The following ITGAV variants were observed in gnomAD, a reference collection of about 807,000 sequenced individuals.
ITGAV encodes the protein integrin alpha-V.
Under a neutral mutation model 143.8 loss-of-function variants are expected in ITGAV, and 76 were observed. The ratio of observed to expected loss-of-function variants is 0.53; its 90% CI spans 0.44 to 0.64. The LOEUF is 0.64. Among genes scored for constraint, ITGAV ranks in the 30% least tolerant of loss-of-function variants. The pLI is 0.00. For synonymous variants in ITGAV, 453 were observed against 446.7 expected, an observed-to-expected ratio of 1.01 and a Z score of -0.18; for missense variants, 1,193 against 1,274.7, an observed-to-expected ratio of 0.94 and a Z score of 0.98.
At chr2:186,677,112 C>T (rs1689235254) in intron 29 of ITGAV, 85 bp from the exon 30 acceptor site, 5 of 1,290,370 alleles carry the variant, frequency 3.9e-6, no homozygotes, top group Non-Finnish European at 5.5e-6. Context: ...TTTAAATGTT[C>T]TTAGTGGTAA....
intron 2 of ITGAV, among the ~76,000 whole-genome samples, chr2:186,606,400 C>A (rs899506855): frequency 6.6e-6 from 1 of 152,200 alleles, no homozygotes; most frequent in African/African-American, 2.4e-5. Flanking sequence ...GTATTCTCAT[C>A]AACCTGCTCC....
intron 12 of ITGAV, among the ~76,000 whole-genome samples, chr2:186,644,589 G>A (rs929542683): frequency 6.6e-6 from 1 of 152,178 alleles, no homozygotes; most frequent in Non-Finnish European, 1.5e-5. Flanking sequence ...CTCTGAAAGT[G>A]CTGGGAATAC....
At chr2:186,650,436 G>A (rs1688392687) in intron 14 of ITGAV, among the ~76,000 whole-genome samples, 1 of 152,148 alleles carries the variant, frequency 6.6e-6, no homozygotes, top group Middle Eastern at 3.4e-3. Flanking sequence ...CTGGCCTGAA[G>A]TGATACACCC....
chr2:186,671,843 CA>C (rs1689070184), intron 26 of ITGAV, among the ~76,000 whole-genome samples: 1 of 151,446 alleles, frequency 6.6e-6, no homozygotes, highest in Non-Finnish European at 1.5e-5. Flanking sequence ...CTATTCTGGA[CA>C]TTTCATACAT....
At chr2:186,653,388 G>C (rs1688497066) in intron 15 of ITGAV, among the ~76,000 whole-genome samples, 1 of 152,056 alleles carries the variant, frequency 6.6e-6, no homozygotes, top group Non-Finnish European at 1.5e-5. Context: ...CCCACTTTGG[G>C]AAACACTATT....
intron 1 of ITGAV, among the ~76,000 whole-genome samples, chr2:186,592,852 C>T (rs928631910): frequency 5.3e-5 from 8 of 152,086 alleles, no homozygotes; most frequent in Non-Finnish European, 1.0e-4. Context: ...AAATGGAAAC[C>T]AACCTTGAAT....
Position 186,679,152 on chromosome 2 carries a change from C to T in ITGAV, c.*1860C>T, listed in dbSNP as rs907176177. ...CCTAGGGCCAAGTGTTGCCTGCCAC[C>T]AATCAGTAAGTTAGTCTATAACAAA... is the stretch of plus-strand genomic sequence containing the variant. On this transcript the variant is annotated 3_prime_UTR_variant, in exon 30 of 30. Transcript: ENST00000261023. 1.3e-5 allele frequency: 2 copies of T among 152,824 alleles called. No individual in the cohort carries two copies. Among genetic ancestry groups the T allele is most frequent in the Middle Eastern group, 3.1e-3 (1 of 318 alleles). 9.5% of individuals were successfully genotyped at this position (152,824 alleles called of 1,614,324 possible).
intron 1 of ITGAV, among the ~76,000 whole-genome samples, chr2:186,593,417 C>A (rs991870110): frequency 2.6e-5 from 4 of 151,332 alleles, no homozygotes; most frequent in African/African-American, 9.7e-5. Context: ...TAAAAATTCA[C>A]AAATATAGTG....
chr2:186,668,203 TATATATATATATA>T (rs1180576508), intron 24 of ITGAV, among the ~76,000 whole-genome samples: 3 of 19,862 alleles, frequency 1.5e-4, no homozygotes, highest in Admixed American at 5.6e-4. Context: ...TATATATATA[TATATATATATATA>T]TTTTTTTTTT....
At chr2:186,677,048 T>A in intron 29 of ITGAV, 113 bp downstream of exon 29, 1 of 1,251,922 alleles carries the variant, frequency 8.0e-7, no homozygotes, top group African/African-American at 1.5e-5. Context: ...GTAATGATGA[T>A]ACTTGATGAG....
At chr2:186,655,900 A>G (rs1205776407) in intron 16 of ITGAV, among the ~76,000 whole-genome samples, 1 of 152,188 alleles carries the variant, frequency 6.6e-6, no homozygotes, top group East Asian at 1.9e-4. Context: ...ACTTGAATTT[A>G]TGATGGAAGT....
chr2:186,619,291 A>G (rs115066755), intron 2 of ITGAV, among the ~76,000 whole-genome samples: 10,313 of 152,090 alleles, frequency 0.068, 378 homozygotes, highest in South Asian at 0.11. Context: ...GTTAAGTGAA[A>G]TAAGCCAGGA....
At chr2:186,637,244 G>A (rs1687970362) in intron 8 of ITGAV, 135 bp downstream of exon 8, 2 of 693,482 alleles carry the variant, frequency 2.9e-6, no homozygotes, top group Non-Finnish European at 5.1e-6. Context: ...CACTTTGGGA[G>A]GCTGAGGCGG....
At chr2:186,599,272 T>C (rs1424356246) in intron 1 of ITGAV, among the ~76,000 whole-genome samples, 1 of 152,152 alleles carries the variant, frequency 6.6e-6, no homozygotes, top group East Asian at 1.9e-4. Context: ...TTTTTTACTT[T>C]ATCTTCTTTC....
chr2:186,654,686 A>T lies in ITGAV; in HGVS notation c.1542A>T (p.Lys514Asn). ...NVRFCLKADG[K>N]GVLPRKLNFQ... The stretch of plus-strand genomic sequence containing the variant: ...GGTTCTGCTTAAAGGCAGATGGCAA[A>T]GGAGTACTTCCCAGGAAACTTAGTA... Residue 514 changes from lysine (K) to asparagine (N), a missense_variant, in exon 16 of 30, where the codon AAA becomes AAT. Coordinates refer to ENST00000261023, the MANE Select transcript of ITGAV (RefSeq NM_002210.5). 6.4e-7 allele frequency: 1 copy of T among 1,555,554 alleles called. No individual in the cohort carries two copies. Among genetic ancestry groups the T allele is most frequent in the Non-Finnish European group, 8.8e-7 (1 of 1,130,264 alleles).
chr2:186,593,785 T>G (rs1686675898), intron 1 of ITGAV, among the ~76,000 whole-genome samples: 1 of 75,064 alleles, frequency 1.3e-5, no homozygotes, highest in Non-Finnish European at 3.3e-5. Flanking sequence ...AGTAGGTTGG[T>G]GTGAGTAGAG....
intron 2 of ITGAV, among the ~76,000 whole-genome samples, chr2:186,609,972 A>C (rs949724531): frequency 6.6e-6 from 1 of 152,088 alleles, no homozygotes; most frequent in African/African-American, 2.4e-5. Flanking sequence ...ATGCATATAG[A>C]GTATTATATT....
chr2:186,675,984 G>A, intron 28 of ITGAV, 57 bp downstream of exon 28: 3 of 941,008 alleles, frequency 3.2e-6, no homozygotes, highest in East Asian at 4.9e-5. Flanking sequence ...TGCTGTACAT[G>A]TTTTTATTTT....
chr2:186,612,003 A>C (rs1687230230), intron 2 of ITGAV, among the ~76,000 whole-genome samples: 1 of 152,238 alleles, frequency 6.6e-6, no homozygotes, highest in Non-Finnish European at 1.5e-5. Flanking sequence ...TAAACAAGAA[A>C]GCATTATACC....
Sources: allele counts gnomAD v4.1 joint callset (sites outside exome capture counted in the v4.1 genomes callset), GRCh38; gene constraint gnomAD v4.1.1; transcripts MANE v1.5; gene names NCBI Gene and HGNC (gene_info 2026-07-23, HGNC 2026-07-21).